ZNF385D: variants seen among roughly 807,000 people sequenced by gnomAD.
ZNF385D encodes zinc finger protein 659.
ZNF385D carries 15 observed loss-of-function variants against 35.8 expected under a neutral mutation model. The ratio of observed to expected loss-of-function variants is 0.42; its 90% CI spans 0.28 to 0.64. The LOEUF (loss-of-function observed/expected upper bound fraction) is 0.64. Ranked by LOEUF, ZNF385D falls within the 30% of genes least tolerant of loss-of-function variation. The pLI, the probability that ZNF385D is intolerant of heterozygous loss-of-function variation, is 0.23. For synonymous variants in ZNF385D, 212 were observed against 186.8 expected, an observed-to-expected ratio of 1.13 and a Z score of -1.10; for missense variants, 474 against 494.6, an observed-to-expected ratio of 0.96 and a Z score of 0.39.
At chr3:21,945,780 A>G (rs1409799500) in intron 3 of ZNF385D, among the ~76,000 whole-genome samples, 6 of 152,226 alleles carry the variant, frequency 3.9e-5, no homozygotes, top group Non-Finnish European at 8.8e-5. Flanking sequence ...AATGTCTTAA[A>G]GAAAAATTGT....
chr3:21,511,580 C>G (rs1312486964), intron 3 of ZNF385D: 6 of 417,156 alleles, frequency 1.4e-5, no homozygotes, highest in African/African-American at 2.1e-5. Context: ...ATGGAGCACA[C>G]AGAAGCCGGG....
chr3:21,761,768 T>C (rs1330119841), intron 3 of ZNF385D, among the ~76,000 whole-genome samples: 1 of 152,114 alleles, frequency 6.6e-6, no homozygotes, highest in Non-Finnish European at 1.5e-5. Context: ...TTCCTTTTTT[T>C]TCTAGCTTTT....
rs533803305 is a variant in ZNF385D, at chr3:22,333,550, C to G, written c.106+38900G>C. Reference sequence around the variant, plus strand: ...CACTGAACTTCTGTTGTCATCTTTACTTTGACATTTACCCCATCCAGAGAG... The same window carrying G: ...CACTGAACTTCTGTTGTCATCTTTAGTTTGACATTTACCCCATCCAGAGAG... On this transcript the variant is annotated intron_variant, in intron 2 of 5. Transcript: ENST00000494108. Among the ~76,000 whole-genome samples, 5 of 152,144 alleles carry G rather than the reference C, an allele frequency of 3.3e-5. No homozygotes were observed. In the East Asian group the frequency reaches 9.6e-4, roughly 29 times the overall value.
rs558173877 is a variant in ZNF385D at position 21,811,473 on chromosome 3, T to A, written c.326-146445A>T. 3.9e-5 allele frequency among the ~76,000 whole-genome samples: 6 copies of A among 152,150 alleles called. No individual in the cohort carries two copies. The East Asian group carries it at 9.7e-4, about 25-fold the overall frequency. On this transcript the variant is annotated intron_variant, in intron 3 of 5. Transcript: ENST00000494108. Reference sequence around the variant, plus strand: ...GGGACAATGTTAACAACAAAAAGAATGATGAATGTAACTGATGGAATACAA... The same window carrying A: ...GGGACAATGTTAACAACAAAAAGAAAGATGAATGTAACTGATGGAATACAA...
At chr3:21,565,554 ATTCTTTCATGTAAC>A (rs2063113829) in intron 2 of ZNF385D, among the ~76,000 whole-genome samples, 1 of 151,438 alleles carries the variant, frequency 6.6e-6, no homozygotes, top group African/African-American at 2.4e-5. Context: ...CTTGATCTTA[ATTCTTTCATGTAAC>A]TTCTTTCACT....
chr3:21,855,319 G>T (rs1036966762), intron 3 of ZNF385D, among the ~76,000 whole-genome samples: 3 of 151,932 alleles, frequency 2.0e-5, no homozygotes, highest in Non-Finnish European at 4.4e-5. Context: ...AGCTGATATT[G>T]CACCTGGACC....
chr3:21,909,010 T>C (rs1225115082), intron 3 of ZNF385D, among the ~76,000 whole-genome samples: 1 of 152,062 alleles, frequency 6.6e-6, no homozygotes, highest in Admixed American at 6.6e-5. Context: ...TTAAATGTGG[T>C]AAAACAAAGC....
At chr3:21,497,020 A>C (rs1329462059) in intron 4 of ZNF385D, among the ~76,000 whole-genome samples, 3 of 152,216 alleles carry the variant, frequency 2.0e-5, no homozygotes, top group African/African-American at 7.2e-5. Context: ...CACGACTCCT[A>C]TCCAACACAG....
chr3:22,059,712 C>G (rs1392636443), intron 3 of ZNF385D, among the ~76,000 whole-genome samples: 1 of 152,100 alleles, frequency 6.6e-6, no homozygotes, highest in Non-Finnish European at 1.5e-5. Context: ...AGAGATTTTT[C>G]GATTTTGTTT....
chr3:22,073,593 T>C (rs1392854992), intron 3 of ZNF385D, among the ~76,000 whole-genome samples: 1 of 151,970 alleles, frequency 6.6e-6, no homozygotes, highest in Non-Finnish European at 1.5e-5. Flanking sequence ...ATTTATGCCA[T>C]GAATTATGAG....
intron 2 of ZNF385D, among the ~76,000 whole-genome samples, chr3:22,193,277 C>T (rs548328005): frequency 5.5e-4 from 83 of 152,192 alleles, no homozygotes; most frequent in African/African-American, 1.9e-3. Context: ...ATGGCTTTCT[C>T]TTCCTAATGG....
At chr3:21,768,123 G>A (rs943603445) in intron 3 of ZNF385D, among the ~76,000 whole-genome samples, 2 of 152,000 alleles carry the variant, frequency 1.3e-5, no homozygotes, top group African/African-American at 4.8e-5. Context: ...ACAAATGAAT[G>A]CACTAAATGA....
intron 3 of ZNF385D, among the ~76,000 whole-genome samples, chr3:21,880,548 T>C (rs1203450981): frequency 1.3e-5 from 2 of 151,996 alleles, no homozygotes; most frequent in Non-Finnish European, 2.9e-5. Context: ...GGTCGACCCA[T>C]GTCTCTCTCC....
At chr3:21,969,318 TG>T (rs1461329075) in intron 3 of ZNF385D, among the ~76,000 whole-genome samples, 1 of 152,026 alleles carries the variant, frequency 6.6e-6, no homozygotes, top group African/African-American at 2.4e-5. Context: ...AATTGAGTCA[TG>T]GGGGCAGTTT....
At chr3:21,937,755 T>C (rs2125264463) in intron 3 of ZNF385D, among the ~76,000 whole-genome samples, 1 of 152,254 alleles carries the variant, frequency 6.6e-6, no homozygotes, top group Non-Finnish European at 1.5e-5. Context: ...TAAGCAAAAA[T>C]GTTTCAGTAA....
chr3:21,748,271 A>G (rs989719630), intron 1 of ZNF385D, among the ~76,000 whole-genome samples: 1 of 152,182 alleles, frequency 6.6e-6, no homozygotes. Flanking sequence ...TGAAAATATT[A>G]CATCTTCCAC....
intron 3 of ZNF385D, among the ~76,000 whole-genome samples, chr3:22,079,483 T>C (rs1700633769): frequency 1.3e-5 from 2 of 151,936 alleles, no homozygotes; most frequent in Non-Finnish European, 2.9e-5. Flanking sequence ...GAAACTGGAA[T>C]GGGGAGAGAT....
At chr3:22,301,446 A>C (rs1456338240) in intron 2 of ZNF385D, among the ~76,000 whole-genome samples, 1 of 151,854 alleles carries the variant, frequency 6.6e-6, no homozygotes, top group Non-Finnish European at 1.5e-5. Flanking sequence ...ACCACAAAGG[A>C]ATAAGTATGT....
At chr3:21,878,535 T>C (rs1425207345) in intron 3 of ZNF385D, among the ~76,000 whole-genome samples, 7 of 25,388 alleles carry the variant, frequency 2.8e-4, no homozygotes, top group Non-Finnish European at 4.9e-4. Context: ...CTGCATGAAG[T>C]CCTTATTTTT....
Sources: allele counts gnomAD v4.1 joint callset (sites outside exome capture counted in the v4.1 genomes callset), GRCh38; gene constraint gnomAD v4.1.1; transcripts MANE v1.5; gene names NCBI Gene and HGNC (gene_info 2026-07-23, HGNC 2026-07-21).